RPS27L: variants seen among roughly 807,000 people sequenced by gnomAD.
RPS27L encodes the protein ribosomal protein S27 like.
In RPS27L, 10 loss-of-function variants were observed where a neutral mutation model predicts 12.8. The ratio of observed to expected loss-of-function variants is 0.78; its 90% CI spans 0.48 to 1.33. The LOEUF (loss-of-function observed/expected upper bound fraction) is 1.33. RPS27L is among the 40% of genes most tolerant of loss of function. The pLI, the probability that RPS27L is intolerant of heterozygous loss-of-function variation, is 0.00. For missense variants in RPS27L, 81 were observed against 97.4 expected, an observed-to-expected ratio of 0.83 and a Z score of 0.71; for synonymous variants, 26 against 32.3, an observed-to-expected ratio of 0.81 and a Z score of 0.66.
Position 63,153,517 on chromosome 15 carries a change from T to C in RPS27L, c.*515A>G, listed in dbSNP as rs2037313635. 6.6e-6 allele frequency: 1 copy of C among 152,552 alleles called. No homozygotes were observed. Among genetic ancestry groups the C allele is most frequent in the Non-Finnish European group, 1.5e-5 (1 of 68,406 alleles). 9.4% of individuals were successfully genotyped at this position (152,552 alleles called of 1,614,324 possible). A position where few individuals can be genotyped will look rare whatever the true frequency, so the allele number is the denominator to read the frequency against. On this transcript the variant is annotated 3_prime_UTR_variant, in exon 4 of 4. Coordinates refer to ENST00000330964, the MANE Select transcript of RPS27L (RefSeq NM_015920.4). ...ATCCTTTAATCCCATTCATAGCAAT[T>C]TGGAAAAGGAATGAAAATAAAATAT...
chr15:63,154,344 C>T (rs2037318798), intron 3 of RPS27L: 3 of 357,752 alleles, frequency 8.4e-6, no homozygotes, highest in Non-Finnish European at 1.5e-5. Flanking sequence ...CTGTTTCAAG[C>T]AAGCTGTCAG....
chr15:63,154,268 C>G lies in RPS27L; in HGVS notation c.227-208G>C, dbSNP rs2037318434. On this transcript the variant is annotated intron_variant, in intron 3 of 3. Transcript: ENST00000330964. Reference sequence around the variant, plus strand: ...TACTCTGGTATGACTATAAGTGTCACTCCTGTTTCTCAAATGCTATAATGA... The same window carrying G: ...TACTCTGGTATGACTATAAGTGTCAGTCCTGTTTCTCAAATGCTATAATGA... 4 of 498,740 alleles carry G rather than the reference C, an allele frequency of 8.0e-6. No homozygotes were observed. In the South Asian group the frequency reaches 1.5e-4, roughly 18 times the overall value. 30.9% of individuals were successfully genotyped at this position (498,740 alleles called of 1,614,324 possible).
At chr15:63,156,381 T>C (rs767762499) in intron 2 of RPS27L, 32 bp downstream of exon 2, 1 of 1,239,222 alleles carries the variant, frequency 8.1e-7, no homozygotes, top group Non-Finnish European at 1.2e-6. Flanking sequence ...AGAAATTTTC[T>C]TTAGTAAAGG....
chr15:63,154,340 C>G (rs1391290305), intron 3 of RPS27L: 7 of 366,624 alleles, frequency 1.9e-5, no homozygotes, highest in Admixed American at 4.4e-5. Flanking sequence ...AAGACTGTTT[C>G]AAGCAAGCTG....
At position 63,148,781 on chromosome 15, in the gene RPS27L, CT is replaced by C. The variant is rs1405460596; in HGVS notation, c.*5250del. On this transcript the variant is annotated 3_prime_UTR_variant, in exon 4 of 4. Transcript: ENST00000330964. ...CAGAGAAAATTTGCAATTCTGGCAT[CT>C]CCTTTGAAACAAAATTCAAAGGCTA... is the stretch of plus-strand genomic sequence containing the variant. The C allele has an allele frequency of 6.6e-6, 1 of 151,616 alleles. No homozygotes were observed. Among genetic ancestry groups the C allele is most frequent in the Non-Finnish European group, 1.5e-5 (1 of 67,990 alleles). The allele number at this position is 151,616 out of a possible 1,614,324, so 9.4% of individuals were successfully genotyped here.
rs752777136 is a variant in RPS27L, at chr15:63,156,499, G to T, written c.29C>A (p.Pro10Gln). ...TTTTTTCTTTTCCTCTTCCAAGGAC[G>T]GATGTAGTAAATCTCTAGCCAACTG... MPLARDLLHPSLEEEKKKHK... is the reference protein window; with the variant it reads MPLARDLLHQSLEEEKKKHK... Residue 10 changes from proline (P) to glutamine (Q), a missense_variant, in exon 2 of 4, where the codon CCG (proline) becomes CAG (glutamine). Transcript: ENST00000330964. 3 of 1,605,502 alleles carry T rather than the reference G, an allele frequency of 1.9e-6. No individual in the cohort carries two copies. The South Asian group carries it at 3.3e-5, about 18-fold the overall frequency.
chr15:63,156,695 C>T (rs1205583534), intron 1 of RPS27L, 174 bp from the exon 2 acceptor site: 1 of 650,608 alleles, frequency 1.5e-6, no homozygotes, highest in East Asian at 2.7e-5. Context: ...CAGTACTTTT[C>T]ATAATACTTG....
In RPS27L at chr15:63,153,043, C is replaced by G. The variant is rs2037310658; in HGVS notation, c.*989G>C. 6.6e-6 allele frequency: 1 copy of G among 152,200 alleles called. No homozygotes were observed. The highest frequency in any genetic ancestry group is 2.4e-5 in the African/African-American group (1 of 41,430). 9.4% of individuals were successfully genotyped at this position (152,200 alleles called of 1,614,324 possible). A position where few individuals can be genotyped will look rare whatever the true frequency, so the allele number is the denominator to read the frequency against. On this transcript the variant is annotated 3_prime_UTR_variant, in exon 4 of 4. Coordinates refer to ENST00000330964, the MANE Select transcript of RPS27L (RefSeq NM_015920.4). ...AGTGGATACACTCCCCGTCTCAGCT[C>G]CCCAGGATTACTTCATAAACTATGA...
rs750923237 is a variant in RPS27L, at chr15:63,155,618, T to C, written c.226+3A>G. On this transcript the variant is annotated splice_donor_region_variant and intron_variant, in intron 3 of 3. Transcript: ENST00000330964. ...CTGGGTTGGAGAATGCCAAATGATA[T>C]ACCTTCTGTGAGTCTGGCCTTTCCT... is the stretch of plus-strand genomic sequence containing the variant. 3 of 1,568,158 alleles carry C rather than the reference T, an allele frequency of 1.9e-6. No individual in the cohort carries two copies. The highest frequency in any genetic ancestry group is 1.7e-4 in the Middle Eastern group (1 of 5,942).
rs929902020 is a variant in RPS27L, at chr15:63,153,185, G to A, written c.*847C>T. The stretch of plus-strand genomic sequence containing the variant: ...ACTATCCCCAACCAGGACTTCTGCG[G>A]GTAAATCATGCCACTTCAGATTTCT... On this transcript the variant is annotated 3_prime_UTR_variant, in exon 4 of 4. Coordinates refer to ENST00000330964, the MANE Select transcript of RPS27L (RefSeq NM_015920.4). 2.0e-5 allele frequency: 3 copies of A among 152,140 alleles called. No homozygotes were observed. The highest frequency in any genetic ancestry group is 2.9e-5 in the Non-Finnish European group (2 of 68,024). 9.4% of individuals were successfully genotyped at this position (152,140 alleles called of 1,614,324 possible).
chr15:63,157,373 A>G (rs1449861791), intron 1 of RPS27L, 27 bp downstream of exon 1: 6 of 1,613,446 alleles, frequency 3.7e-6, no homozygotes, highest in Non-Finnish European at 5.1e-6. Flanking sequence ...CCCAAAACAA[A>G]CCCGGAGCCC....
Position 63,152,534 on chromosome 15 carries a change from C to G in RPS27L, c.*1498G>C, listed in dbSNP as rs1413364069. The G allele has an allele frequency of 1.4e-5, 2 of 146,348 alleles. No homozygotes were observed. The highest frequency in any genetic ancestry group is 5.1e-5 in the African/African-American group (2 of 39,240). The allele number at this position is 146,348 out of a possible 1,614,324, so 9.1% of individuals were successfully genotyped here. On this transcript the variant is annotated 3_prime_UTR_variant, in exon 4 of 4. Coordinates refer to ENST00000330964, the MANE Select transcript of RPS27L (RefSeq NM_015920.4). ...TTGAGACGGAGTTTCGTGCTTGTTG[C>G]CCAGGCTAGAGTGCAATGGCACGAT...
intron 1 of RPS27L, 181 bp from the exon 2 acceptor site, chr15:63,156,702 C>T (rs1192211580): frequency 1.6e-6 from 1 of 640,176 alleles, no homozygotes; most frequent in African/African-American, 1.9e-5. Context: ...TTTCATAATA[C>T]TTGTGTTCTC....
Position 63,149,947 on chromosome 15 carries a change from G to T in RPS27L, c.*4085C>A, listed in dbSNP as rs1158802442. 2.0e-5 allele frequency: 3 copies of T among 152,256 alleles called. No individual in the cohort carries two copies. The highest frequency in any genetic ancestry group is 7.2e-5 in the African/African-American group (3 of 41,400). 9.4% of individuals were successfully genotyped at this position (152,256 alleles called of 1,614,324 possible). A position where few individuals can be genotyped will look rare whatever the true frequency, so the allele number is the denominator to read the frequency against. ...AAATTAGCGGGGTGTGGTGGCACGT[G>T]CCTGTAGTTCCAGCTACTCGGGAGG... On this transcript the variant is annotated 3_prime_UTR_variant, in exon 4 of 4. Coordinates refer to ENST00000330964, the MANE Select transcript of RPS27L (RefSeq NM_015920.4).
chr15:63,156,567 C>T, intron 1 of RPS27L, 46 bp from the exon 2 acceptor site: 1 of 1,183,816 alleles, frequency 8.4e-7, no homozygotes, highest in Non-Finnish European at 1.3e-6. Context: ...AACCACAACG[C>T]TGGCACATTT....
rs2037292311 is a variant in RPS27L, at chr15:63,150,281, A to G, written c.*3751T>C. 1 of 152,226 alleles carries G rather than the reference A, an allele frequency of 6.6e-6. No individual in the cohort carries two copies. The highest frequency in any genetic ancestry group is 1.5e-5 in the Non-Finnish European group (1 of 68,038). 9.4% of individuals were successfully genotyped at this position (152,226 alleles called of 1,614,324 possible). On this transcript the variant is annotated 3_prime_UTR_variant, in exon 4 of 4. Transcript: ENST00000330964. ...TGTGATTCCATTTATACGAAATAGCATTATATGAAATATTGAGAAGAAGCA... is the reference window on the plus strand; with the variant it reads ...TGTGATTCCATTTATACGAAATAGCGTTATATGAAATATTGAGAAGAAGCA...
intron 3 of RPS27L, 126 bp from the exon 4 acceptor site, chr15:63,154,186 G>T: frequency 1.4e-6 from 1 of 715,358 alleles, no homozygotes; most frequent in Non-Finnish European, 2.4e-6. Flanking sequence ...CTCATATACA[G>T]ATTATTTATC....
intron 1 of RPS27L, 57 bp downstream of exon 1, chr15:63,157,343 T>A: frequency 6.3e-7 from 1 of 1,599,554 alleles, no homozygotes; most frequent in Non-Finnish European, 8.6e-7. Context: ...ATCCGTCCCA[T>A]ATGACTCTCG....
chr15:63,150,123 GATGA>G lies in RPS27L; in HGVS notation c.*3905_*3908del, dbSNP rs1336715522. On this transcript the variant is annotated 3_prime_UTR_variant, in exon 4 of 4. Coordinates refer to ENST00000330964, the MANE Select transcript of RPS27L (RefSeq NM_015920.4). ...AAAACACTCTAAGTATCTATCAACT[GATGA>G]ATGGATAAACATTGTATATTATTAC... The G allele has an allele frequency of 1.3e-5, 2 of 152,144 alleles. No homozygotes were observed. The highest frequency in any genetic ancestry group is 4.8e-5 in the African/African-American group (2 of 41,418). The allele number at this position is 152,144 out of a possible 1,614,324, so 9.4% of individuals were successfully genotyped here. A position where few individuals can be genotyped will look rare whatever the true frequency, so the allele number is the denominator to read the frequency against.
Sources: gnomAD v4.1 joint callset for allele counts on GRCh38, gnomAD v4.1.1 for gene constraint, MANE v1.5 for transcripts, NCBI Gene and HGNC (gene_info 2026-07-23, HGNC 2026-07-21) for gene names.